CNTN6: variants seen among roughly 807,000 people sequenced by gnomAD.
CNTN6 encodes the protein contactin-6.
A neutral mutation model predicts 122.8 loss-of-function variants in CNTN6; 137 were observed. That is an observed-to-expected ratio of 1.12 (90% CI 0.97 to 1.29). The LOEUF is 1.29. Ranked by LOEUF, CNTN6 falls within the 50% of genes most tolerant of loss-of-function variation. The pLI is 0.00. For synonymous variants in CNTN6, 570 were observed against 426.0 expected, an observed-to-expected ratio of 1.34 and a Z score of -4.16; for missense variants, 1,634 against 1,223.4, an observed-to-expected ratio of 1.34 and a Z score of -5.01.
chr3:1,212,731 G>T (rs2094063878), intron 2 of CNTN6, among the ~76,000 whole-genome samples: 2 of 151,868 alleles, frequency 1.3e-5, no homozygotes, highest in Non-Finnish European at 2.9e-5. Context: ...GTTTTCAGCT[G>T]TTCCTATACA....
intron 2 of CNTN6, among the ~76,000 whole-genome samples, chr3:1,175,052 A>T (rs891387743): frequency 2.6e-5 from 4 of 151,900 alleles, no homozygotes; most frequent in Non-Finnish European, 5.9e-5. Context: ...CTTGGGCAAC[A>T]TGGTGAGACC....
chr3:1,280,441 C>T (rs368181047), intron 5 of CNTN6, among the ~76,000 whole-genome samples: 7 of 124,540 alleles, frequency 5.6e-5, no homozygotes, highest in African/African-American at 1.8e-4. Flanking sequence ...GGAGTAATGG[C>T]AAACTTGTGT....
intron 2 of CNTN6, among the ~76,000 whole-genome samples, chr3:1,220,299 G>A (rs1432720944): frequency 6.6e-6 from 1 of 152,124 alleles, no homozygotes; most frequent in Non-Finnish European, 1.5e-5. Context: ...TCACACTACT[G>A]CACTCCAGCT....
intron 2 of CNTN6, among the ~76,000 whole-genome samples, chr3:1,179,605 TC>T (rs1447628325): frequency 2.0e-5 from 3 of 152,164 alleles, no homozygotes; most frequent in Admixed American, 2.0e-4. Context: ...GTTCCCTAGT[TC>T]CCTAAGACAC....
chr3:1,281,451 C>T (rs1693412497), intron 5 of CNTN6, among the ~76,000 whole-genome samples: 1 of 145,952 alleles, frequency 6.9e-6, no homozygotes, highest in Non-Finnish European at 1.5e-5. Context: ...AGATAGAAGG[C>T]CATAAAAGTT....
At chr3:1,275,139 T>A (rs746833687) in intron 4 of CNTN6, among the ~76,000 whole-genome samples, 1 of 152,192 alleles carries the variant, frequency 6.6e-6, no homozygotes, top group African/African-American at 2.4e-5. Flanking sequence ...CTTCAGGCTT[T>A]ACAAGGACCT....
At chr3:1,349,634 C>T (rs965146838) in intron 11 of CNTN6, among the ~76,000 whole-genome samples, 9 of 151,730 alleles carry the variant, frequency 5.9e-5, no homozygotes, top group Admixed American at 5.9e-4. Context: ...TTGCTCAGTG[C>T]CATTTGATCT....
rs771133835 is a variant in CNTN6, at chr3:1,154,448, C to CT, written c.55+6397dup. 8.4e-3 allele frequency among the ~76,000 whole-genome samples: 1,173 copies of CT among 140,478 alleles called. 8 individuals carry two copies. The highest frequency in any genetic ancestry group is 0.022 in the Middle Eastern group (6 of 272). 92.2% of individuals were successfully genotyped at this position (140,478 alleles called of 152,430 possible). A position where few individuals can be genotyped will look rare whatever the true frequency, so the allele number is the denominator to read the frequency against. ...ATAATATTTTTCTTTTCTTTTCTTTCTTTTTTTTTTTTGAGGTGGAGTTTT... is the reference window on the plus strand; with the variant it reads ...ATAATATTTTTCTTTTCTTTTCTTTCTTTTTTTTTTTTTGAGGTGGAGTTTT... On this transcript the variant is annotated intron_variant, in intron 2 of 22. Coordinates refer to ENST00000446702, the MANE Select transcript of CNTN6 (RefSeq NM_001289080.2).
At chr3:1,121,667 T>A (rs2091954503) in intron 1 of CNTN6, among the ~76,000 whole-genome samples, 1 of 151,928 alleles carries the variant, frequency 6.6e-6, no homozygotes, top group Non-Finnish European at 1.5e-5. Flanking sequence ...TTTTGAAACA[T>A]ATAAGATTAC....
At chr3:1,175,704 CTT>C (rs2125316102) in intron 2 of CNTN6, among the ~76,000 whole-genome samples, 2 of 152,278 alleles carry the variant, frequency 1.3e-5, no homozygotes, top group African/African-American at 4.8e-5. Context: ...ATTGGCTACT[CTT>C]TGGTGAATAT....
chr3:1,134,696 G>A (rs1207114236), intron 1 of CNTN6, among the ~76,000 whole-genome samples: 1 of 149,798 alleles, frequency 6.7e-6, no homozygotes, highest in Non-Finnish European at 1.5e-5. Context: ...TTTTTGTTTT[G>A]TTTTGTTTTG....
Position 1,227,875 on chromosome 3 carries a change from T to C in CNTN6, c.240T>C (p.Asp80=). 2 of 1,614,106 alleles carry C rather than the reference T, an allele frequency of 1.2e-6. No homozygotes were observed. The highest frequency in any genetic ancestry group is 1.7e-6 in the Non-Finnish European group (2 of 1,180,008). Residue 80 remains aspartate (D), a synonymous_variant, in exon 4 of 23, where the codon GAT becomes GAC. Transcript: ENST00000446702. ...CTATGAGTTATCACTACAGGTTGGA[T>C]GGAGGCAGTCTTGCAATCAATAGCC... is the stretch of plus-strand genomic sequence containing the variant. ...DFTMSYHYRL[D]GGSLAINSPH...
intron 2 of CNTN6, among the ~76,000 whole-genome samples, chr3:1,206,880 T>G (rs192302979): frequency 6.6e-6 from 1 of 152,154 alleles, no homozygotes; most frequent in East Asian, 1.9e-4. Flanking sequence ...ATCACTCTCA[T>G]AGGACACTCC....
chr3:1,278,135 A>G (rs1252572370), intron 4 of CNTN6, among the ~76,000 whole-genome samples: 1 of 152,232 alleles, frequency 6.6e-6, no homozygotes, highest in Non-Finnish European at 1.5e-5. Context: ...TGGGCTTCAC[A>G]GATTTCCTGC....
chr3:1,383,310 A>G lies in CNTN6; in HGVS notation c.2419A>G (p.Arg807Gly), dbSNP rs1455802350. Residue 807 changes from arginine (R) to glycine (G), a missense_variant, in exon 19 of 23, where the codon AGG (arginine) becomes GGG (glycine). Physicochemically the swap from Arg to Gly is moderately radical, Grantham distance 125. Transcript: ENST00000446702. Reference protein sequence around the residue: ...SGEDEPQLAPRGTSLQSFSAS... With the variant: ...SGEDEPQLAPGGTSLQSFSAS... ...GATGGTAGAACCTCAACTGGCCCCA[A>G]GGGGAACTTCTCTCCAGAGTTTTTC... The G allele has an allele frequency of 1.2e-6, 2 of 1,613,940 alleles. No individual in the cohort carries two copies. The highest frequency in any genetic ancestry group is 1.7e-6 in the Non-Finnish European group (2 of 1,179,800).
Position 1,385,298 on chromosome 3 carries a change from T to TCTGA in CNTN6, c.2518-310_2518-307dup, listed in dbSNP as rs368314451. 2.9e-4 allele frequency among the ~76,000 whole-genome samples: 44 copies of TCTGA among 152,288 alleles called. 1 individual carries two copies. The highest frequency in any genetic ancestry group is 1.1e-3 in the African/African-American group (44 of 41,552). The stretch of plus-strand genomic sequence containing the variant: ...CTGATTATATACAAATGTGTTTTTG[T>TCTGA]CTGACTTGTTATACATCATTTGCTA... On this transcript the variant is annotated intron_variant, in intron 19 of 22. Coordinates refer to ENST00000446702, the MANE Select transcript of CNTN6 (RefSeq NM_001289080.2).
At chr3:1,206,011 C>G (rs763907031) in intron 2 of CNTN6, among the ~76,000 whole-genome samples, 18 of 152,122 alleles carry the variant, frequency 1.2e-4, no homozygotes, top group East Asian at 1.9e-4. Flanking sequence ...ATAGTTTTCT[C>G]CTCTTTACAT....
chr3:1,171,948 A>T (rs1271507339), intron 2 of CNTN6, among the ~76,000 whole-genome samples: 2 of 152,170 alleles, frequency 1.3e-5, no homozygotes, highest in Non-Finnish European at 2.9e-5. Context: ...AATTCTAAAG[A>T]ACCATGTTGC....
In CNTN6 at chr3:1,203,436, T is replaced by C. The variant is rs1428167208; in HGVS notation, c.56-17251T>C. Among the ~76,000 whole-genome samples, 9 of 152,310 alleles carry C rather than the reference T, an allele frequency of 5.9e-5. No individual in the cohort carries two copies. The South Asian group carries it at 1.7e-3, about 28-fold the overall frequency. On this transcript the variant is annotated intron_variant, in intron 2 of 22. Transcript: ENST00000446702. ...AAGGGCAAATCTTTTCTGACGAATT[T>C]GGTGGCATTTTTGCATGGCACATGG...
Sources: allele counts gnomAD v4.1 joint callset (sites outside exome capture counted in the v4.1 genomes callset), GRCh38; gene constraint gnomAD v4.1.1; transcripts MANE v1.5; gene names NCBI Gene and HGNC (gene_info 2026-07-23, HGNC 2026-07-21).